The following GALNT6 variants were observed in gnomAD, a reference collection of about 807,000 sequenced individuals.
GALNT6 encodes the protein polypeptide N-acetylgalactosaminyltransferase 6.
In GALNT6, 51 loss-of-function variants were observed where a neutral mutation model predicts 65.9. The observed-to-expected ratio is 0.77, with a 90% CI of 0.62 to 0.98. The LOEUF is 0.98. Ranked by LOEUF, GALNT6 falls within the 50% of genes least tolerant of loss-of-function variation. GALNT6 has a pLI of 0.00. For missense variants in GALNT6, 708 were observed against 803.3 expected, an observed-to-expected ratio of 0.88 and a Z score of 1.43; for synonymous variants, 323 against 315.1, an observed-to-expected ratio of 1.02 and a Z score of -0.26.
intron 2 of GALNT6, among the ~76,000 whole-genome samples, chr12:51,386,154 G>A (rs1293637883): frequency 6.6e-6 from 1 of 152,202 alleles, no homozygotes; most frequent in African/African-American, 2.4e-5. Context: ...GTTTTGACTA[G>A]GTCTGTCTGT....
chr12:51,359,367 G>A, intron 7 of GALNT6, 35 bp from the exon 8 acceptor site: 2 of 1,457,346 alleles, frequency 1.4e-6, no homozygotes, highest in Non-Finnish European at 1.9e-6. Flanking sequence ...GGCCTTCAGT[G>A]GGCTAGGTGA....
rs1286071927 is a variant in GALNT6, at chr12:51,357,097, A to C, written c.1602+252T>G. 2.0e-5 allele frequency among the ~76,000 whole-genome samples: 3 copies of C among 152,164 alleles called. No individual in the cohort carries two copies. The South Asian group carries it at 6.2e-4, about 32-fold the overall frequency. On this transcript the variant is annotated intron_variant, in intron 10 of 11. Transcript: ENST00000356317. ...CACCCCTAAATATCCCCCAGCAGCT[A>C]GCCTCCTCAAGCCTCCTCTGATGAA...
At position 51,387,255 on chromosome 12, in the gene GALNT6, G is replaced by A. The variant is rs569591474; in HGVS notation, c.-104+3595C>T. On this transcript the variant is annotated intron_variant, in intron 2 of 11. Coordinates refer to ENST00000356317, the MANE Select transcript of GALNT6 (RefSeq NM_007210.4). The surrounding 1 kb of genome is among the most constrained non-coding windows in gnomAD (Gnocchi z 4.2). ...TGGGATTACAGGCGCCCGCCACCAC[G>A]TCCGGCTAATTTTTGTATTTTTTTA... Among the ~76,000 whole-genome samples, 5 of 152,146 alleles carry A rather than the reference G, an allele frequency of 3.3e-5. No homozygotes were observed. Among genetic ancestry groups the A allele is most frequent in the South Asian group, 2.1e-4 (1 of 4,816 alleles).
chr12:51,388,065 G>A (rs958788637), intron 2 of GALNT6, among the ~76,000 whole-genome samples: 6 of 152,196 alleles, frequency 3.9e-5, no homozygotes, highest in East Asian at 1.9e-4. Flanking sequence ...ATTGAAGTCC[G>A]TGAAACAAGC....
At position 51,360,939 on chromosome 12, in the gene GALNT6, C is replaced by G. The variant is rs540373957; in HGVS notation, c.1050-101G>C. 188 of 674,580 alleles carry G rather than the reference C, an allele frequency of 2.8e-4. 1 individual carries two copies. In the African/African-American group the frequency reaches 3.0e-3, roughly 11 times the overall value. 41.8% of individuals were successfully genotyped at this position (674,580 alleles called of 1,614,324 possible). On this transcript the variant is annotated intron_variant, in intron 6 of 11. Transcript: ENST00000356317. Reference sequence around the variant, plus strand: ...GGACTCCCCTCCTAACCCACCTCCCCCTCCTTTCCTCTTTCTCAGGACGTG... The same window carrying G: ...GGACTCCCCTCCTAACCCACCTCCCGCTCCTTTCCTCTTTCTCAGGACGTG...
chr12:51,376,147 G>A (rs1204489688), intron 4 of GALNT6, among the ~76,000 whole-genome samples: 1 of 152,078 alleles, frequency 6.6e-6, no homozygotes, highest in Non-Finnish European at 1.5e-5. Context: ...TTACAGGCTT[G>A]AGCCACTGTG....
chr12:51,389,765 C>T (rs1441416653), intron 2 of GALNT6, among the ~76,000 whole-genome samples: 1 of 152,210 alleles, frequency 6.6e-6, no homozygotes, highest in African/African-American at 2.4e-5. Flanking sequence ...CTCATATTTC[C>T]TGTCCCCACT....
chr12:51,363,927 T>A lies in GALNT6; in HGVS notation c.1049+194A>T, dbSNP rs182326946. 1.9e-3 allele frequency among the ~76,000 whole-genome samples: 287 copies of A among 152,340 alleles called. 1 individual carries two copies. The highest frequency in any genetic ancestry group is 6.6e-3 in the African/African-American group (273 of 41,586). On this transcript the variant is annotated intron_variant, in intron 6 of 11. Coordinates refer to ENST00000356317, the MANE Select transcript of GALNT6 (RefSeq NM_007210.4). ...TGCTCCACTGTTGCTAGCTGCATGA[T>A]CTTAGGTCAGTGTTTATCACTATGA...
chr12:51,364,571 T>G (rs1292420973), intron 5 of GALNT6, among the ~76,000 whole-genome samples: 1 of 152,174 alleles, frequency 6.6e-6, no homozygotes, highest in African/African-American at 2.4e-5. Flanking sequence ...GCAGGGAGAA[T>G]GGAGGTCTCA....
In GALNT6 at chr12:51,353,387, G is replaced by C. The variant is rs987615825; in HGVS notation, c.*992C>G. 8 of 136,986 alleles carry C rather than the reference G, an allele frequency of 5.8e-5. No homozygotes were observed. The highest frequency in any genetic ancestry group is 2.2e-4 in the African/African-American group (8 of 36,400). The allele number at this position is 136,986 out of a possible 1,614,324, so 8.5% of individuals were successfully genotyped here. ...TACTTTTTTTTTTTTTTTTTTTCCT[G>C]AGATGGAGTTTCGCTCTTGTTGCTC... On this transcript the variant is annotated 3_prime_UTR_variant, in exon 12 of 12. Transcript: ENST00000356317.
At chr12:51,357,512 G>A in intron 9 of GALNT6, 62 bp from the exon 10 acceptor site, 1 of 1,274,326 alleles carries the variant, frequency 7.8e-7, no homozygotes, top group Non-Finnish European at 1.1e-6. Context: ...CCTCATGTGT[G>A]GTATGGGGCC....
intron 4 of GALNT6, among the ~76,000 whole-genome samples, chr12:51,373,676 G>A (rs1313448918): frequency 2.6e-5 from 4 of 152,180 alleles, no homozygotes; most frequent in African/African-American, 7.2e-5. Flanking sequence ...AGGAAGGACC[G>A]CTAATATGCT....
At chr12:51,359,370 C>G (rs748119141) in intron 7 of GALNT6, 38 bp from the exon 8 acceptor site, 1 of 1,413,630 alleles carries the variant, frequency 7.1e-7, no homozygotes, top group Non-Finnish European at 9.8e-7. Flanking sequence ...CTTCAGTGGG[C>G]TAGGTGAGAC....
intron 2 of GALNT6, among the ~76,000 whole-genome samples, chr12:51,384,691 CAAAAAAAAAAA>C (rs747557675): frequency 2.2e-5 from 2 of 89,380 alleles, no homozygotes; most frequent in Non-Finnish European, 4.2e-5. Context: ...GACTCTGTCT[CAAAAAAAAAAA>C]AAAAAAAAAG....
intron 8 of GALNT6, 34 bp downstream of exon 8, chr12:51,359,098 C>A: frequency 6.4e-7 from 1 of 1,557,438 alleles, no homozygotes; most frequent in Non-Finnish European, 8.9e-7. Flanking sequence ...TACTTCTCTT[C>A]ATCTAAACCT....
At position 51,351,372 on chromosome 12, in the gene GALNT6, C is replaced by T. The variant is rs1181865225; in HGVS notation, c.*3007G>A. ...CTGAAATTCATGATGTAACTCTGAT[C>T]TTCCAGCTTCTACACCAGTCACTCC... On this transcript the variant is annotated 3_prime_UTR_variant, in exon 12 of 12. Coordinates refer to ENST00000356317, the MANE Select transcript of GALNT6 (RefSeq NM_007210.4). 1 of 152,222 alleles carries T rather than the reference C, an allele frequency of 6.6e-6. No homozygotes were observed. The highest frequency in any genetic ancestry group is 1.9e-4 in the East Asian group (1 of 5,202). 9.4% of individuals were successfully genotyped at this position (152,222 alleles called of 1,614,324 possible).
In GALNT6 at chr12:51,391,354, C is replaced by G. The variant is rs1475813766; in HGVS notation, c.-259G>C. On this transcript the variant is annotated 5_prime_UTR_variant, in exon 1 of 12. Coordinates refer to ENST00000356317, the MANE Select transcript of GALNT6 (RefSeq NM_007210.4). ...AGCGCCAAGGTGGAGGGGGGTCCTACCGAGGGAGGAGCTACAGGCCACCGC... is the reference window on the plus strand; with the variant it reads ...AGCGCCAAGGTGGAGGGGGGTCCTAGCGAGGGAGGAGCTACAGGCCACCGC... 1 of 153,212 alleles carries G rather than the reference C, an allele frequency of 6.5e-6. No individual in the cohort carries two copies. The highest frequency in any genetic ancestry group is 1.5e-5 in the Non-Finnish European group (1 of 68,624). The allele number at this position is 153,212 out of a possible 1,614,324, so 9.5% of individuals were successfully genotyped here. A position where few individuals can be genotyped will look rare whatever the true frequency, so the allele number is the denominator to read the frequency against.
intron 8 of GALNT6, 140 bp from the exon 9 acceptor site, chr12:51,358,401 A>G: frequency 1.1e-6 from 1 of 934,360 alleles, no homozygotes; most frequent in Admixed American, 2.4e-5. Flanking sequence ...CCTGGGTTCA[A>G]GCGATTCACC....
intron 4 of GALNT6, among the ~76,000 whole-genome samples, chr12:51,374,311 G>A (rs1441329883): frequency 6.6e-6 from 1 of 151,998 alleles, no homozygotes; most frequent in East Asian, 1.9e-4. Context: ...TGGGACCACA[G>A]GCAAATACCA....
Sources: gnomAD v4.1 joint callset for allele counts (sites outside exome capture counted in the v4.1 genomes callset) on GRCh38, gnomAD v4.1.1 for gene constraint, Gnocchi (gnomAD v3.1) non-coding constraint, MANE v1.5 for transcripts, NCBI Gene and HGNC (gene_info 2026-07-23, HGNC 2026-07-21) for gene names.